WWOX: variants seen among roughly 807,000 people sequenced by gnomAD.
WWOX encodes WW domain containing oxidoreductase.
Under a neutral mutation model 46.2 loss-of-function variants are expected in WWOX, and 69 were observed. That is an observed-to-expected ratio of 1.49 (90% confidence interval 1.23 to 1.82). The LOEUF (loss-of-function observed/expected upper bound fraction) is 1.82, where lower values mean the gene tolerates loss of function less well. Ranked by LOEUF, WWOX falls within the 40% of genes most tolerant of loss-of-function variation. The pLI, the probability that WWOX is intolerant of heterozygous loss-of-function variation, is 0.00. For missense variants in WWOX, 919 were observed against 542.6 expected (o/e 1.69, Z -6.89); for synonymous variants, 359 against 202.6 (o/e 1.77, Z -6.56).
At chr16:78,523,151 G>A (rs1005594068) in intron 8 of WWOX, among the ~76,000 whole-genome samples, 2 of 152,220 alleles carry the variant, frequency 1.3e-5, no homozygotes, top group Admixed American at 6.5e-5. Flanking sequence ...TCTTTGAGCA[G>A]TGGCTTACAG....
chr16:78,504,506 T>G (rs2085144986), intron 8 of WWOX, among the ~76,000 whole-genome samples: 1 of 152,252 alleles, frequency 6.6e-6, no homozygotes, highest in Non-Finnish European at 1.5e-5. Context: ...CCAGGGTTGC[T>G]ATGGCATGGA....
intron 8 of WWOX, among the ~76,000 whole-genome samples, chr16:78,835,769 G>A (rs116517543): frequency 0.012 from 1,840 of 152,238 alleles, 31 homozygotes; most frequent in East Asian, 0.05. Context: ...AACAAAAAAT[G>A]TATTGCCAAA....
intron 8 of WWOX, among the ~76,000 whole-genome samples, chr16:79,096,567 C>G (rs1171386137): frequency 1.3e-5 from 2 of 152,178 alleles, no homozygotes; most frequent in Non-Finnish European, 2.9e-5. Context: ...TAGATACCAT[C>G]TTTAAAACAG....
chr16:78,942,854 C>G (rs748146098), intron 8 of WWOX, among the ~76,000 whole-genome samples: 1 of 152,188 alleles, frequency 6.6e-6, no homozygotes, highest in Non-Finnish European at 1.5e-5. Flanking sequence ...GGCTCAGGTC[C>G]TAGGTCAAAG....
intron 8 of WWOX, among the ~76,000 whole-genome samples, chr16:78,845,128 G>T (rs2052264548): frequency 7.2e-6 from 1 of 139,628 alleles, no homozygotes; most frequent in Admixed American, 7.4e-5. Context: ...TTTTTATCTT[G>T]CTGTCTTTTT....
chr16:78,526,359 C>G (rs990539932), intron 8 of WWOX: 1 of 152,258 alleles, frequency 6.6e-6, no homozygotes, highest in African/African-American at 2.4e-5. Flanking sequence ...CCCCCTTCCA[C>G]TGGCTGTGAC....
chr16:78,571,653 G>C (rs770716590), intron 8 of WWOX, among the ~76,000 whole-genome samples: 1 of 152,172 alleles, frequency 6.6e-6, no homozygotes, highest in African/African-American at 2.4e-5. Flanking sequence ...TGGATTACTT[G>C]AGGTCAGAAG....
intron 1 of WWOX, among the ~76,000 whole-genome samples, chr16:78,106,382 C>T (rs1204642477): frequency 6.7e-6 from 1 of 149,452 alleles, no homozygotes; most frequent in Non-Finnish European, 1.5e-5. Flanking sequence ...AGCGGGTTAT[C>T]CTTACTAGAG....
chr16:78,258,503 G>C (rs996331528), intron 5 of WWOX, among the ~76,000 whole-genome samples: 1 of 151,940 alleles, frequency 6.6e-6, no homozygotes, highest in Admixed American at 6.6e-5. Context: ...TAAGTTTATG[G>C]TGTGTCTGCC....
chr16:78,570,868 C>T (rs2044699647), intron 8 of WWOX, among the ~76,000 whole-genome samples: 1 of 152,032 alleles, frequency 6.6e-6, no homozygotes, highest in Non-Finnish European at 1.5e-5. Context: ...AAAGCACGGG[C>T]AGGTAAGGAC....
At chr16:78,792,277 T>C (rs558685609) in intron 8 of WWOX, among the ~76,000 whole-genome samples, 7 of 152,326 alleles carry the variant, frequency 4.6e-5, no homozygotes, top group African/African-American at 1.7e-4. Flanking sequence ...AATGGGCTGA[T>C]CTAGGCTGGA....
intron 8 of WWOX, among the ~76,000 whole-genome samples, chr16:79,131,971 A>G (rs899541544): frequency 1.3e-5 from 2 of 152,144 alleles, no homozygotes; most frequent in Admixed American, 6.5e-5. Context: ...CTTATTCACT[A>G]TCATGAGAAT....
chr16:78,532,206 C>T (rs2043639619), intron 8 of WWOX, among the ~76,000 whole-genome samples: 1 of 151,988 alleles, frequency 6.6e-6, no homozygotes, highest in Non-Finnish European at 1.5e-5. Context: ...TATTGAATTA[C>T]ATTTTAATAT....
chr16:78,912,056 G>A (rs1023105455), intron 8 of WWOX, among the ~76,000 whole-genome samples: 1 of 152,034 alleles, frequency 6.6e-6, no homozygotes, highest in Non-Finnish European at 1.5e-5. Flanking sequence ...TAGGTTCTGA[G>A]TCCAATTATG....
intron 5 of WWOX, among the ~76,000 whole-genome samples, chr16:78,249,143 G>A (rs1035495975): frequency 2.0e-5 from 3 of 152,074 alleles, no homozygotes; most frequent in Non-Finnish European, 4.4e-5. Flanking sequence ...GTGAGCCACC[G>A]TGTCTGGCGT....
At chr16:78,729,735 A>G (rs1034280279) in intron 8 of WWOX, among the ~76,000 whole-genome samples, 7 of 152,190 alleles carry the variant, frequency 4.6e-5, no homozygotes, top group Non-Finnish European at 1.0e-4. Flanking sequence ...TACAGCAGAC[A>G]TAGCAAACTA....
At chr16:78,796,449 C>G (rs1049572015) in intron 8 of WWOX, among the ~76,000 whole-genome samples, 7 of 152,236 alleles carry the variant, frequency 4.6e-5, no homozygotes, top group Non-Finnish European at 2.9e-5. Flanking sequence ...AATTCAGTCA[C>G]ATGATCACAA....
At chr16:78,677,177 T>G (rs1463370959) in intron 8 of WWOX, among the ~76,000 whole-genome samples, 1 of 152,092 alleles carries the variant, frequency 6.6e-6, no homozygotes, top group African/African-American at 2.4e-5. Flanking sequence ...CCTGGGCAGG[T>G]GCATGAGGGG....
At chr16:78,752,677 C>T (rs1465482887) in intron 8 of WWOX, among the ~76,000 whole-genome samples, 1 of 152,192 alleles carries the variant, frequency 6.6e-6, no homozygotes, top group Non-Finnish European at 1.5e-5. Context: ...CTTCTGTTTT[C>T]CCCTGAGAGT....
Sources: allele counts gnomAD v4.1 joint callset (sites outside exome capture counted in the v4.1 genomes callset), GRCh38; gene constraint gnomAD v4.1.1; transcripts MANE v1.5; gene names NCBI Gene and HGNC (gene_info 2026-07-23, HGNC 2026-07-21).